Variants in CDH23 observed in about 807,000 individuals in gnomAD.
CDH23 encodes cadherin related 23.
In CDH23, 189 loss-of-function variants were observed where a neutral mutation model predicts 317.1. That is an observed-to-expected ratio of 0.60 (90% CI 0.53 to 0.67). The LOEUF (loss-of-function observed/expected upper bound fraction) is 0.67. CDH23 is among the 30% of genes least tolerant of loss of function. CDH23 has a pLI of 0.00. For missense variants in CDH23, 4,401 were observed against 4,592.4 expected (o/e 0.96, Z 1.20); for synonymous variants, 1,839 against 1,876.8 (o/e 0.98, Z 0.52).
At chr10:71,791,394 G>A (rs1841247199) in intron 47 of CDH23, 59 bp downstream of exon 47, 19 of 1,465,502 alleles carry the variant, frequency 1.3e-5, no homozygotes, top group Non-Finnish European at 1.8e-5. Flanking sequence ...GGTCACAGGG[G>A]ACTGGAGCCT....
At chr10:71,545,257 C>T (rs889757747) in intron 6 of CDH23, among the ~76,000 whole-genome samples, 1 of 152,116 alleles carries the variant, frequency 6.6e-6, no homozygotes, top group Non-Finnish European at 1.5e-5. Context: ...TCCCAGGCCA[C>T]GGCAGGGGAG....
At chr10:71,693,838 C>A (rs113740355) in intron 20 of CDH23, among the ~76,000 whole-genome samples, 7 of 152,162 alleles carry the variant, frequency 4.6e-5, no homozygotes, top group Admixed American at 1.3e-4. Flanking sequence ...CCTAATGGCC[C>A]TCCTGCCCTG....
intron 27 of CDH23, among the ~76,000 whole-genome samples, chr10:71,710,983 G>A (rs527509094): frequency 9.2e-5 from 14 of 152,228 alleles, no homozygotes; most frequent in Admixed American, 5.9e-4. Flanking sequence ...CTGTGCCGCC[G>A]GGTGCTCCTG....
intron 61 of CDH23, among the ~76,000 whole-genome samples, 182 bp downstream of exon 61, chr10:71,810,258 C>T (rs1841876817): frequency 6.6e-6 from 1 of 152,228 alleles, no homozygotes; most frequent in African/African-American, 2.4e-5. Flanking sequence ...GCCTCAGTTT[C>T]CTCTTCCATA....
intron 28 of CDH23, among the ~76,000 whole-genome samples, chr10:71,723,272 G>A (rs1487994803): frequency 6.6e-6 from 1 of 152,128 alleles, no homozygotes; most frequent in Non-Finnish European, 1.5e-5. Flanking sequence ...GTGGGCAGTG[G>A]GTAAAGTAGG....
At chr10:71,589,434 A>G (rs567057919) in intron 9 of CDH23, among the ~76,000 whole-genome samples, 1 of 152,322 alleles carries the variant, frequency 6.6e-6, no homozygotes, top group Admixed American at 6.5e-5. Context: ...AATTTTTTTA[A>G]AAGAAGGAAG....
At chr10:71,618,300 G>A (rs1861294990) in intron 11 of CDH23, among the ~76,000 whole-genome samples, 2 of 152,024 alleles carry the variant, frequency 1.3e-5, no homozygotes, top group African/African-American at 4.8e-5. Flanking sequence ...GAGGCAGGAG[G>A]CTCAGGGTGG....
In CDH23 at chr10:71,702,150, G is replaced by C. The variant is rs1488534895; in HGVS notation, c.2526G>C (p.Arg842=). Residue 842 remains arginine, a synonymous_variant, in exon 23 of 70, where the codon CGG becomes CGC. Coordinates refer to ENST00000224721, the MANE Select transcript of CDH23 (RefSeq NM_022124.6). ...GCACCACCCACGCCATGCTGGACCG[G>C]GAGAACCCCGACCCCCATGAGGCCG... ...KIRTTHAMLD[R]ENPDPHEAEL... The C allele has an allele frequency of 1.2e-6, 2 of 1,613,936 alleles. No individual in the cohort carries two copies. The highest frequency in any genetic ancestry group is 1.7e-6 in the Non-Finnish European group (2 of 1,179,884).
intron 6 of CDH23, among the ~76,000 whole-genome samples, chr10:71,522,230 G>A (rs1854737233): frequency 6.6e-6 from 1 of 151,948 alleles, no homozygotes; most frequent in Non-Finnish European, 1.5e-5. Context: ...ATTGCAAAGT[G>A]AATGCATTTG....
At chr10:71,556,333 G>C (rs1355606130) in intron 6 of CDH23, among the ~76,000 whole-genome samples, 2 of 152,212 alleles carry the variant, frequency 1.3e-5, no homozygotes, top group African/African-American at 4.8e-5. Context: ...GGGCACCATG[G>C]CTCATGCCTG....
intron 28 of CDH23, chr10:71,715,932 C>A: frequency 6.9e-7 from 1 of 1,458,096 alleles, no homozygotes; most frequent in East Asian, 2.5e-5. Flanking sequence ...TTGTGGACAC[C>A]CCATTACATC....
chr10:71,779,279 G>T lies in CDH23; in HGVS notation c.5200G>T (p.Val1734Leu). 6.2e-7 allele frequency: 1 copy of T among 1,614,044 alleles called. No homozygotes were observed. The highest frequency in any genetic ancestry group is 8.5e-7 in the Non-Finnish European group (1 of 1,179,902). Residue 1734 changes from valine (V) to leucine (L), a missense_variant, in exon 41 of 70, where the codon GTG becomes TTG. Physicochemically the swap from Val to Leu is conservative, Grantham distance 32. Coordinates refer to ENST00000224721, the MANE Select transcript of CDH23 (RefSeq NM_022124.6). ...LTSTTTVLVN[V>L]NDINDNVPTF... The stretch of plus-strand genomic sequence containing the variant: ...TCCACCATCTCAGGTGCTTGTGAAT[G>T]TGAATGACATCAACGACAATGTGCC...
chr10:71,570,703 T>C, intron 7 of CDH23, 87 bp from the exon 8 acceptor site: 2 of 1,476,066 alleles, frequency 1.4e-6, no homozygotes, highest in Non-Finnish European at 9.3e-7. Context: ...TGCTGCACGG[T>C]GCAGGTCTGT....
chr10:71,649,536 A>G (rs1863065343), intron 14 of CDH23, among the ~76,000 whole-genome samples: 1 of 152,122 alleles, frequency 6.6e-6, no homozygotes, highest in African/African-American at 2.4e-5. Flanking sequence ...CAGGTGTCCT[A>G]GCAGGGGTGG....
intron 52 of CDH23, among the ~76,000 whole-genome samples, chr10:71,800,415 G>A (rs1841524188): frequency 6.6e-6 from 1 of 152,152 alleles, no homozygotes; most frequent in Non-Finnish European, 1.5e-5. Context: ...TCCTGGTCAG[G>A]CAGGTAGCTC....
At chr10:71,689,383 G>T (rs920134367) in intron 19 of CDH23, among the ~76,000 whole-genome samples, 7 of 152,078 alleles carry the variant, frequency 4.6e-5, no homozygotes, top group African/African-American at 1.7e-4. Context: ...CCTGGAGAAT[G>T]TCACTGCTAA....
At chr10:71,398,939 A>G (rs1331801838) in intron 1 of CDH23, among the ~76,000 whole-genome samples, 2 of 152,118 alleles carry the variant, frequency 1.3e-5, no homozygotes, top group Non-Finnish European at 2.9e-5. Flanking sequence ...CTGGGTCCGC[A>G]TATACTTCTC....
intron 30 of CDH23, among the ~76,000 whole-genome samples, chr10:71,730,116 C>T (rs1020824781): frequency 8.5e-5 from 13 of 152,156 alleles, no homozygotes; most frequent in Admixed American, 2.0e-4. Flanking sequence ...GGATTACAGG[C>T]GTGAGCCACC....
chr10:71,799,698 C>A, intron 52 of CDH23, 69 bp downstream of exon 52: 2 of 1,603,596 alleles, frequency 1.2e-6, no homozygotes, highest in Non-Finnish European at 8.5e-7. Context: ...GAGCAGCCAC[C>A]AAAAGTATTG....
Sources: allele counts gnomAD v4.1 joint callset (sites outside exome capture counted in the v4.1 genomes callset), GRCh38; gene constraint gnomAD v4.1.1; transcripts MANE v1.5; gene names NCBI Gene and HGNC (gene_info 2026-07-23, HGNC 2026-07-21).